The following ATP8B3 variants were observed in gnomAD, a reference collection of about 807,000 sequenced individuals.
ATP8B3 encodes the protein phospholipid-transporting ATPase IK.
ATP8B3 carries 141 observed loss-of-function variants against 140.9 expected under a neutral mutation model. That is an observed-to-expected ratio of 1.00 (90% CI 0.87 to 1.15). The LOEUF (loss-of-function observed/expected upper bound fraction) is 1.15, where lower values mean the gene tolerates loss of function less well. Ranked by LOEUF, ATP8B3 falls within the 50% of genes most tolerant of loss-of-function variation. The probability of loss-of-function intolerance (pLI) is 0.00; values close to 1 mark genes in which losing one functional copy is unlikely to be tolerated. For missense variants in ATP8B3, 1,874 were observed against 1,740.6 expected (o/e 1.08, Z -1.36); for synonymous variants, 765 against 714.6 (o/e 1.07, Z -1.13).
At position 1,800,534 on chromosome 19, in the gene ATP8B3, C is replaced by T. The variant is rs373738507; in HGVS notation, c.1153-85G>A. 7.9e-7 allele frequency: 1 copy of T among 1,266,708 alleles called. No homozygotes were observed. Among genetic ancestry groups the T allele is most frequent in the Admixed American group, 2.0e-5 (1 of 49,690 alleles). 78.5% of individuals were successfully genotyped at this position (1,266,708 alleles called of 1,614,324 possible). A position where few individuals can be genotyped will look rare whatever the true frequency, so the allele number is the denominator to read the frequency against. ...GGATGGGGTAAACACAAAGATAAGG[C>T]TGGGGCTGGGCACAGTGGCTCATGC... On this transcript the variant is annotated intron_variant, in intron 12 of 28. Transcript: ENST00000310127. The surrounding 1 kb of genome is among the most constrained non-coding windows in gnomAD (Gnocchi z 4.4).
chr19:1,792,202 AC>A, intron 18 of ATP8B3, 67 bp from the exon 19 acceptor site: 1 of 1,461,466 alleles, frequency 6.8e-7, no homozygotes, highest in Non-Finnish European at 9.0e-7. Flanking sequence ...GCCCTCCCCA[AC>A]CCCCTGCCGG....
intron 21 of ATP8B3, among the ~76,000 whole-genome samples, 164 bp from the exon 22 acceptor site, chr19:1,790,153 G>GCC (rs2068449276): frequency 1.2e-5 from 1 of 81,664 alleles, no homozygotes; most frequent in African/African-American, 5.3e-5. Context: ...TCCTCCCGCC[G>GCC]CTGCCCCTCC....
rs1339398621 is a variant in ATP8B3 at position 1,800,930 on chromosome 19, A to G, written c.1153-481T>C. ...AGCAAGCTCCGCCTCCCGGGTTCACACCATTCTCCTGCCTCAGCCTCCCGA... is the reference window on the plus strand; with the variant it reads ...AGCAAGCTCCGCCTCCCGGGTTCACGCCATTCTCCTGCCTCAGCCTCCCGA... On this transcript the variant is annotated intron_variant, in intron 12 of 28. Coordinates refer to ENST00000310127, the MANE Select transcript of ATP8B3 (RefSeq NM_138813.4). This position sits in a 1 kb window ranked among gnomAD's most constrained non-coding sequence, Gnocchi z 4.4. 2.7e-5 allele frequency among the ~76,000 whole-genome samples: 4 copies of G among 147,766 alleles called. No individual in the cohort carries two copies. Among genetic ancestry groups the G allele is most frequent in the Admixed American group, 1.4e-4 (2 of 14,686 alleles).
In ATP8B3 at chr19:1,800,989, C is replaced by A. The variant is rs916124686; in HGVS notation, c.1153-540G>T. On this transcript the variant is annotated intron_variant, in intron 12 of 28. Transcript: ENST00000310127. The surrounding 1 kb of genome is among the most constrained non-coding windows in gnomAD (Gnocchi z 4.4). Reference sequence around the variant, plus strand: ...GACTACAGGCGCCCGCCACCACGCCCGGCTAATTTTTTGTATTTTTAGTAG... The same window carrying A: ...GACTACAGGCGCCCGCCACCACGCCAGGCTAATTTTTTGTATTTTTAGTAG... Among the ~76,000 whole-genome samples, 3 of 151,272 alleles carry A rather than the reference C, an allele frequency of 2.0e-5. No individual in the cohort carries two copies. Among genetic ancestry groups the A allele is most frequent in the South Asian group, 4.2e-4 (2 of 4,788 alleles).
In ATP8B3 at chr19:1,808,282, G is replaced by T; in HGVS notation, c.456C>A (p.Asn152Lys). The T allele has an allele frequency of 6.2e-7, 1 of 1,613,296 alleles. No individual in the cohort carries two copies. The highest frequency in any genetic ancestry group is 8.5e-7 in the Non-Finnish European group (1 of 1,179,666). Residue 152 changes from asparagine (N) to lysine (K), a missense_variant, in exon 5 of 29, where the codon AAC (asparagine) becomes AAA (lysine). Physicochemically the swap from Asn to Lys is moderately conservative, Grantham distance 94 (BLOSUM62 0). Around this residue, in one of 3 missense-constraint regions of ATP8B3, gnomAD observed 1,032 missense variants for 963.6 expected, o/e 1.07. Coordinates refer to ENST00000310127, the MANE Select transcript of ATP8B3 (RefSeq NM_138813.4). The stretch of plus-strand genomic sequence containing the variant: ...ACACGCGGTGGAACTGCTCGTACAG[G>T]TTCAGCGGCAGGAACGAGTAGAAGT... ...KYNFYSFLPLNLYEQFHRVSN... is the reference protein window; with the variant it reads ...KYNFYSFLPLKLYEQFHRVSN...
chr19:1,809,963 C>A (rs1055717603), intron 3 of ATP8B3, among the ~76,000 whole-genome samples: 1 of 152,340 alleles, frequency 6.6e-6, no homozygotes, highest in East Asian at 1.9e-4. Flanking sequence ...CCACCCACAC[C>A]CCCAGCCAGG....
At position 1,784,942 on chromosome 19, in the gene ATP8B3, G is replaced by A. The variant is rs751784716; in HGVS notation, c.3537C>T (p.Ala1179=). 55 of 1,608,944 alleles carry A rather than the reference G, an allele frequency of 3.4e-5. No homozygotes were observed. The highest frequency in any genetic ancestry group is 2.7e-4 in the Admixed American group (16 of 59,788). ...VSPTTFPFLY[A]DLSVMSSPSI... ...AGGGAGAGGACATCACGCTGAGGTC[G>A]GCATCTGGGGACAGGGCGGGGTCAC... The change falls in exon 28 of 29, where the codon GCC becomes GCT. Residue 1179 remains alanine (A), a synonymous_variant. Transcript: ENST00000310127.
In ATP8B3 at chr19:1,796,165, G is replaced by A; in HGVS notation, c.1854C>T (p.Val618=). 3 of 1,612,978 alleles carry A rather than the reference G, an allele frequency of 1.9e-6. No individual in the cohort carries two copies. The highest frequency in any genetic ancestry group is 2.5e-6 in the Non-Finnish European group (3 of 1,179,872). Residue 618 remains valine, a synonymous_variant, in exon 17 of 29, where the codon GTC becomes GTT. Coordinates refer to ENST00000310127, the MANE Select transcript of ATP8B3 (RefSeq NM_138813.4). ...GTTCCTCCCCCAGCTCCATGATCGTGACGGTGTCCTGGGTGCGGGACAGGA... is the reference window on the plus strand; with the variant it reads ...GTTCCTCCCCCAGCTCCATGATCGTAACGGTGTCCTGGGTGCGGGACAGGA... The part of the protein sequence containing the change: ...YVFLSRTQDT[V]TIMELGEERV...
chr19:1,790,987 C>T (rs1212738592), intron 20 of ATP8B3, among the ~76,000 whole-genome samples, 155 bp from the exon 21 acceptor site: 1 of 151,844 alleles, frequency 6.6e-6, no homozygotes, highest in Non-Finnish European at 1.5e-5. Context: ...GGGCTTGTAA[C>T]CCAGGCTCAC....
At chr19:1,784,528 A>C (rs2068242537) in intron 28 of ATP8B3, among the ~76,000 whole-genome samples, 1 of 152,144 alleles carries the variant, frequency 6.6e-6, no homozygotes, top group African/African-American at 2.4e-5. Flanking sequence ...AGTAAAAATA[A>C]ATAAATAAAT....
Position 1,807,112 on chromosome 19 carries a change from A to T in ATP8B3, c.615+56T>A. ...CCCACTCTCGCCCAGGGATCAAGAG[A>T]CCCCCCCGACCGGCCCCGCTCCCTC... On this transcript the variant is annotated intron_variant, in intron 6 of 28. Transcript: ENST00000310127. This position sits in a 1 kb window ranked among gnomAD's most constrained non-coding sequence, Gnocchi z 5.9. 2 of 1,471,338 alleles carry T rather than the reference A, an allele frequency of 1.4e-6. No homozygotes were observed. Among genetic ancestry groups the T allele is most frequent in the Non-Finnish European group, 1.9e-6 (2 of 1,057,688 alleles). The allele number at this position is 1,471,338 out of a possible 1,614,324, so 91.1% of individuals were successfully genotyped here. A position where few individuals can be genotyped will look rare whatever the true frequency, so the allele number is the denominator to read the frequency against.
chr19:1,806,819 T>C lies in ATP8B3; in HGVS notation c.616-130A>G. 9.6e-7 allele frequency: 1 copy of C among 1,045,000 alleles called. No homozygotes were observed. The allele number at this position is 1,045,000 out of a possible 1,614,324, so 64.7% of individuals were successfully genotyped here. On this transcript the variant is annotated intron_variant, in intron 6 of 28. Coordinates refer to ENST00000310127, the MANE Select transcript of ATP8B3 (RefSeq NM_138813.4). This position sits in a 1 kb window ranked among gnomAD's most constrained non-coding sequence, Gnocchi z 5.6. ...CCCTGTCCGCTGGCCCCACGCCACG[T>C]TGCGTCTGCTCAGGGATCCCGGACG...
chr19:1,808,181 G>A (rs753204742), intron 5 of ATP8B3, 41 bp downstream of exon 5: 14 of 1,489,446 alleles, frequency 9.4e-6, no homozygotes, highest in South Asian at 2.3e-5. Context: ...ATGCTGCCAG[G>A]TGGCTAGGGG....
intron 10 of ATP8B3, among the ~76,000 whole-genome samples, chr19:1,803,088 AGAG>A (rs1374359920): frequency 6.6e-5 from 10 of 152,174 alleles, no homozygotes; most frequent in African/African-American, 2.4e-4. Context: ...TCAAGAGGGA[AGAG>A]GAGAAGGGAC....
rs767706756 is a variant in ATP8B3, at chr19:1,787,170, C to T, written c.3086G>A (p.Trp1029Ter). Residue 1029 changes from tryptophan (W) to a stop codon, truncating the protein, a stop_gained, in exon 25 of 29, where the codon TGG (tryptophan) becomes TAG (stop). Coordinates refer to ENST00000310127, the MANE Select transcript of ATP8B3 (RefSeq NM_138813.4). LOFTEE classifies it high-confidence loss of function. ...GFTGQPLYEG[W>*]FLALFNLLYS... The stretch of plus-strand genomic sequence containing the variant: ...CAGGAGGTTGAAAAGAGCCAGGAAC[C>T]ATCCTTCATACAGGGGCTGAGCCGG... 1 of 1,610,272 alleles carries T rather than the reference C, an allele frequency of 6.2e-7. No individual in the cohort carries two copies. The highest frequency in any genetic ancestry group is 8.5e-7 in the Non-Finnish European group (1 of 1,178,252).
At position 1,806,126 on chromosome 19, in the gene ATP8B3, C is replaced by A. The variant is rs1357116085; in HGVS notation, c.721G>T (p.Val241Phe). The A allele has an allele frequency of 6.2e-7, 1 of 1,602,278 alleles. No homozygotes were observed. Among genetic ancestry groups the A allele is most frequent in the Non-Finnish European group, 8.5e-7 (1 of 1,174,992 alleles). ...ACGATGTTGTCCTTGCGGAGACAGA[C>A]CACATCCCCCACGCACAGATCCTGC... ...KWQDLCVGDVVCLRKDNIVPA... is the reference protein window; with the variant it reads ...KWQDLCVGDVFCLRKDNIVPA... Residue 241 changes from valine to phenylalanine, a missense_variant, in exon 8 of 29, where the codon GTC becomes TTC. Physicochemically the swap from Val to Phe is conservative, Grantham distance 50. Coordinates refer to ENST00000310127, the MANE Select transcript of ATP8B3 (RefSeq NM_138813.4). The surrounding 1 kb of genome is among the most constrained non-coding windows in gnomAD (Gnocchi z 5.6).
chr19:1,790,062 C>G, intron 21 of ATP8B3, 73 bp from the exon 22 acceptor site: 1 of 1,132,068 alleles, frequency 8.8e-7, no homozygotes, highest in Non-Finnish European at 1.3e-6. Flanking sequence ...GCTCCACTGC[C>G]CCTCCCACCC....
At chr19:1,786,273 G>C (rs1445239885) in intron 25 of ATP8B3, among the ~76,000 whole-genome samples, 3 of 151,156 alleles carry the variant, frequency 2.0e-5, no homozygotes, top group Non-Finnish European at 4.4e-5. Context: ...CACAGTTAAA[G>C]ATACCAGCAA....
At chr19:1,799,656 C>T (rs1263631535) in intron 14 of ATP8B3, 11 of 545,188 alleles carry the variant, frequency 2.0e-5, no homozygotes, top group East Asian at 6.2e-5. Flanking sequence ...CCCAGCTACT[C>T]GGGAGGCTGA....
Sources: gnomAD v4.1 joint callset for allele counts (sites outside exome capture counted in the v4.1 genomes callset) on GRCh38, gnomAD v4.1.1 for gene constraint, gnomAD v4.1.1 regional missense constraint, Gnocchi (gnomAD v3.1) non-coding constraint, MANE v1.5 for transcripts, NCBI Gene and HGNC (gene_info 2026-07-23, HGNC 2026-07-21) for gene names.